The following SLC9A9 variants were observed in gnomAD, a reference collection of about 807,000 sequenced individuals.
SLC9A9 encodes the protein sodium/hydrogen exchanger 9.
In SLC9A9, 62 loss-of-function variants were observed where a neutral mutation model predicts 77.8. The ratio of observed to expected loss-of-function variants is 0.80; its 90% CI spans 0.65 to 0.98. The LOEUF is 0.98. Among genes scored for constraint, SLC9A9 ranks in the 50% least tolerant of loss-of-function variants. SLC9A9 has a pLI of 0.00. For missense variants in SLC9A9, 775 were observed against 774.9 expected (o/e 1.00, Z 0.00); for synonymous variants, 320 against 283.5 (o/e 1.13, Z -1.29).
At chr3:143,533,079 CCAGGCCTGTACAGAGAA>C (rs2036538985) in intron 9 of SLC9A9, among the ~76,000 whole-genome samples, 1 of 152,182 alleles carries the variant, frequency 6.6e-6, no homozygotes, top group African/African-American at 2.4e-5. Context: ...CCATGTGGGC[CCAGGCCTGTACAGAGAA>C]CATTGCAACT....
At chr3:143,781,248 C>T (rs2108847457) in intron 4 of SLC9A9, among the ~76,000 whole-genome samples, 1 of 152,258 alleles carries the variant, frequency 6.6e-6, no homozygotes, top group Middle Eastern at 3.4e-3. Flanking sequence ...CTATAAGAGT[C>T]TATTCTAGTA....
At chr3:143,277,721 C>T (rs966229479) in intron 14 of SLC9A9, among the ~76,000 whole-genome samples, 1 of 152,152 alleles carries the variant, frequency 6.6e-6, no homozygotes, top group Non-Finnish European at 1.5e-5. Context: ...CTTTTAGTGG[C>T]TTTCTGGTTA....
At position 143,467,080 on chromosome 3, in the gene SLC9A9, A is replaced by G; in HGVS notation, c.1426T>C (p.Phe476Leu). 2.4e-5 allele frequency: 39 copies of G among 1,614,074 alleles called. No individual in the cohort carries two copies. The highest frequency in any genetic ancestry group is 3.2e-5 in the Non-Finnish European group (38 of 1,179,994). The change falls in exon 12 of 16, where the codon TTT becomes CTT. Residue 476 changes from phenylalanine to leucine, a missense_variant. Transcript: ENST00000316549. ...LLLVFFTVWV[F>L]GGGTTPMLTW... ...AACATGGGGGTTGTTCCTCCTCCAAATACCCAGACAGTGAAGAACACGAGG... is the reference window on the plus strand; with the variant it reads ...AACATGGGGGTTGTTCCTCCTCCAAGTACCCAGACAGTGAAGAACACGAGG...
intron 8 of SLC9A9, among the ~76,000 whole-genome samples, chr3:143,560,316 A>G (rs747600719): frequency 6.6e-6 from 1 of 152,170 alleles, no homozygotes; most frequent in Non-Finnish European, 1.5e-5. Flanking sequence ...CCTTGCTAAG[A>G]GTTGGCTCTG....
chr3:143,829,776 A>G (rs1430623049), intron 2 of SLC9A9, among the ~76,000 whole-genome samples: 1 of 152,204 alleles, frequency 6.6e-6, no homozygotes, highest in African/African-American at 2.4e-5. Flanking sequence ...GTGGTAGTGC[A>G]GTGGCAATAG....
intron 4 of SLC9A9, among the ~76,000 whole-genome samples, chr3:143,763,003 G>C (rs924975722): frequency 1.3e-5 from 2 of 152,146 alleles, no homozygotes; most frequent in Non-Finnish European, 2.9e-5. Flanking sequence ...CTCAGGTGGG[G>C]CCTTTGGACT....
At position 143,399,029 on chromosome 3, in the gene SLC9A9, G is replaced by A. The variant is rs372362510; in HGVS notation, c.1470-16915C>T. 7.8e-4 allele frequency among the ~76,000 whole-genome samples: 118 copies of A among 151,700 alleles called. 1 individual carries two copies. Among genetic ancestry groups the A allele is most frequent in the Non-Finnish European group, 1.2e-3 (82 of 67,854 alleles). ...CACATACACACACATACATATATAT[G>A]TACATGCACATATATATCTATATTT... is the stretch of plus-strand genomic sequence containing the variant. On this transcript the variant is annotated intron_variant, in intron 12 of 15. Transcript: ENST00000316549.
At chr3:143,619,957 G>C (rs2038172268) in intron 6 of SLC9A9, among the ~76,000 whole-genome samples, 1 of 152,212 alleles carries the variant, frequency 6.6e-6, no homozygotes, top group Non-Finnish European at 1.5e-5. Context: ...GGAAGTGGCA[G>C]AGGTGGAGCT....
chr3:143,813,251 T>G (rs1319422349), intron 2 of SLC9A9, among the ~76,000 whole-genome samples: 1 of 152,128 alleles, frequency 6.6e-6, no homozygotes, highest in East Asian at 1.9e-4. Flanking sequence ...CTGATGAAGG[T>G]GCTCATGGCT....
chr3:143,751,624 G>A (rs1257318525), intron 4 of SLC9A9, among the ~76,000 whole-genome samples: 1 of 152,054 alleles, frequency 6.6e-6, no homozygotes, highest in African/African-American at 2.4e-5. Flanking sequence ...ACCTCCCACC[G>A]CTTCTTTCCA....
intron 14 of SLC9A9, among the ~76,000 whole-genome samples, chr3:143,348,033 T>A (rs1020226096): frequency 2.1e-5 from 3 of 142,880 alleles, no homozygotes; most frequent in African/African-American, 7.4e-5. Context: ...TTTTTTTTTT[T>A]AGAGGGAATC....
At chr3:143,423,808 A>G (rs371951072) in intron 12 of SLC9A9, among the ~76,000 whole-genome samples, 1 of 152,234 alleles carries the variant, frequency 6.6e-6, no homozygotes, top group Non-Finnish European at 1.5e-5. Flanking sequence ...ATCAAAATGC[A>G]GGTCACTAGT....
chr3:143,846,304 T>C (rs1225899312), intron 1 of SLC9A9, among the ~76,000 whole-genome samples: 1 of 152,248 alleles, frequency 6.6e-6, no homozygotes, highest in Non-Finnish European at 1.5e-5. Context: ...GTAGTTTTGC[T>C]AAAGCACATA....
intron 12 of SLC9A9, among the ~76,000 whole-genome samples, chr3:143,465,317 A>G (rs2035264726): frequency 6.6e-6 from 1 of 152,288 alleles, no homozygotes; most frequent in East Asian, 1.9e-4. Flanking sequence ...TTAAAGCCCC[A>G]CTATAATACT....
intron 1 of SLC9A9, among the ~76,000 whole-genome samples, chr3:143,837,032 T>G (rs934791270): frequency 1.3e-5 from 2 of 152,226 alleles, no homozygotes; most frequent in African/African-American, 4.8e-5. Flanking sequence ...TGAAGCATTT[T>G]CTTAAAGTGG....
At chr3:143,514,097 T>C (rs1432154689) in intron 9 of SLC9A9, among the ~76,000 whole-genome samples, 1 of 152,106 alleles carries the variant, frequency 6.6e-6, no homozygotes, top group Non-Finnish European at 1.5e-5. Flanking sequence ...CATGCGGCGT[T>C]TGGTTTTTTG....
intron 2 of SLC9A9, among the ~76,000 whole-genome samples, chr3:143,818,955 T>A (rs2009097179): frequency 6.6e-6 from 1 of 151,996 alleles, no homozygotes; most frequent in East Asian, 1.9e-4. Context: ...TGGTTGTGCA[T>A]GCCTGTAATC....
rs114502760 is a variant in SLC9A9 at position 143,495,990 on chromosome 3, C to T, written c.1090-542G>A. On this transcript the variant is annotated intron_variant, in intron 9 of 15. Coordinates refer to ENST00000316549, the MANE Select transcript of SLC9A9 (RefSeq NM_173653.4). ...AATTACATTTTAACATTAGAGTGAT[C>T]GGTATATTTCAAATCCCAGACGATG... Among the ~76,000 whole-genome samples, 654 of 152,154 alleles carry T rather than the reference C, an allele frequency of 4.3e-3. 4 individuals are homozygous for T. The highest frequency in any genetic ancestry group is 0.014 in the African/African-American group (591 of 41,492).
intron 4 of SLC9A9, among the ~76,000 whole-genome samples, chr3:143,703,637 C>T (rs1360379628): frequency 6.6e-6 from 1 of 151,928 alleles, no homozygotes; most frequent in Admixed American, 6.6e-5. Context: ...AATAAACAAC[C>T]TAATGATGTA....
Sources: gnomAD v4.1 joint callset for allele counts (sites outside exome capture counted in the v4.1 genomes callset) on GRCh38, gnomAD v4.1.1 for gene constraint, MANE v1.5 for transcripts, NCBI Gene and HGNC (gene_info 2026-07-23, HGNC 2026-07-21) for gene names.